Variants in CACNA2D1 observed in about 807,000 individuals in gnomAD.
CACNA2D1 encodes the protein calcium voltage-gated channel auxiliary subunit alpha2delta 1, also known as voltage-dependent calcium channel subunit alpha-2/delta-1.
A neutral mutation model predicts 171.5 loss-of-function variants in CACNA2D1; 53 were observed. The ratio of observed to expected loss-of-function variants is 0.31; its 90% confidence interval spans 0.25 to 0.39. The LOEUF is 0.39. CACNA2D1 is among the 10% of genes least tolerant of loss of function. The pLI is 1.00. For missense variants in CACNA2D1, 903 were observed against 1,299.8 expected (o/e 0.69, Z 4.69); for synonymous variants, 442 against 443.1 (o/e 1.00, Z 0.03).
At chr7:82,053,454 T>C (rs919580421) in intron 10 of CACNA2D1, among the ~76,000 whole-genome samples, 1 of 152,074 alleles carries the variant, frequency 6.6e-6, no homozygotes, top group African/African-American at 2.4e-5. Context: ...AATGATTATT[T>C]TGAAATAATA....
At chr7:82,128,711 A>G (rs1790622657) in intron 5 of CACNA2D1, among the ~76,000 whole-genome samples, 1 of 152,084 alleles carries the variant, frequency 6.6e-6, no homozygotes, top group Admixed American at 6.5e-5. Flanking sequence ...GAAATTCCAA[A>G]TTTTGTCCTG....
chr7:82,005,328 T>A (rs1799011515), intron 18 of CACNA2D1, 95 bp downstream of exon 18: 1 of 778,294 alleles, frequency 1.3e-6, no homozygotes. Context: ...TGATATTTAG[T>A]GTTATACGGT....
intron 3 of CACNA2D1, among the ~76,000 whole-genome samples, chr7:82,277,677 A>C (rs888501744): frequency 1.1e-4 from 16 of 152,154 alleles, no homozygotes; most frequent in African/African-American, 3.9e-4. Context: ...ACATACACAA[A>C]AATATGTTGA....
chr7:82,151,589 G>T (rs1198657989), intron 4 of CACNA2D1, among the ~76,000 whole-genome samples: 1 of 152,064 alleles, frequency 6.6e-6, no homozygotes, highest in African/African-American at 2.4e-5. Context: ...GTAAAAAGAA[G>T]ATAAACTGAA....
intron 4 of CACNA2D1, among the ~76,000 whole-genome samples, chr7:82,150,774 C>T (rs1351014307): frequency 6.6e-6 from 1 of 151,984 alleles, no homozygotes; most frequent in Non-Finnish European, 1.5e-5. Flanking sequence ...TTTTATAGGG[C>T]ATAGATTACA....
intron 2 of CACNA2D1, among the ~76,000 whole-genome samples, chr7:82,346,557 A>C (rs975768247): frequency 6.6e-6 from 1 of 152,154 alleles, no homozygotes. Flanking sequence ...ATCAGTGAAA[A>C]CTTACTTTCT....
chr7:81,982,621 T>C lies in CACNA2D1; in HGVS notation c.1901A>G (p.Glu634Gly), dbSNP rs1447681277. ...RSKKGKMKDSETLKPDNFEES... is the reference protein window; with the variant it reads ...RSKKGKMKDSGTLKPDNFEES... ...TTCAAAATTATCTGGCTTCAGGGTT[T>C]CCGAATCTGCAAAGATAATGTTACA... Residue 634 changes from glutamate to glycine, a missense_variant, in exon 24 of 39, where the codon GAA (glutamate) becomes GGA (glycine). Around this residue, in one of 5 missense-constraint regions of CACNA2D1, gnomAD observed 623 missense variants for 925.5 expected, o/e 0.67. Coordinates refer to ENST00000356860, the MANE Select transcript of CACNA2D1 (RefSeq NM_000722.4). 2 of 1,592,688 alleles carry C rather than the reference T, an allele frequency of 1.3e-6. No individual in the cohort carries two copies. Among genetic ancestry groups the C allele is most frequent in the African/African-American group, 1.3e-5 (1 of 74,424 alleles).
intron 26 of CACNA2D1, chr7:81,970,964 G>C: frequency 1.9e-6 from 1 of 516,102 alleles, no homozygotes; most frequent in Non-Finnish European, 3.5e-6. Flanking sequence ...TGAACATGGA[G>C]TATGAATTGA....
intron 6 of CACNA2D1, 121 bp downstream of exon 6, chr7:82,116,923 G>T: frequency 9.3e-7 from 1 of 1,074,268 alleles, no homozygotes; most frequent in Non-Finnish European, 1.4e-6. Flanking sequence ...GTTTACCACA[G>T]ACTCTTATAT....
intron 1 of CACNA2D1, among the ~76,000 whole-genome samples, chr7:82,379,012 C>T (rs1038623315): frequency 1.3e-5 from 2 of 149,252 alleles, no homozygotes; most frequent in African/African-American, 4.9e-5. Flanking sequence ...TGCATCTAAG[C>T]CAGTTCTCCT....
intron 3 of CACNA2D1, among the ~76,000 whole-genome samples, chr7:82,322,188 G>C (rs1425532778): frequency 6.9e-6 from 1 of 144,754 alleles, no homozygotes; most frequent in East Asian, 2.1e-4. Context: ...TTTTACAATT[G>C]TGGAAGCTTA....
intron 4 of CACNA2D1, among the ~76,000 whole-genome samples, chr7:82,170,246 T>G (rs1795874309): frequency 6.6e-6 from 1 of 151,900 alleles, no homozygotes; most frequent in African/African-American, 2.4e-5. Context: ...TATTAAAATT[T>G]AATGCTATTT....
At chr7:82,366,279 A>G (rs1821696675) in intron 1 of CACNA2D1, among the ~76,000 whole-genome samples, 1 of 152,132 alleles carries the variant, frequency 6.6e-6, no homozygotes, top group South Asian at 2.1e-4. Flanking sequence ...ATATGCGTAT[A>G]TTGTGTAATG....
intron 3 of CACNA2D1, among the ~76,000 whole-genome samples, chr7:82,261,868 C>A (rs1003721033): frequency 6.6e-6 from 1 of 152,168 alleles, no homozygotes; most frequent in African/African-American, 2.4e-5. Context: ...TGGGAGCTGA[C>A]AAGCCTGTCC....
chr7:82,069,035 T>C (rs1482093780), intron 7 of CACNA2D1, among the ~76,000 whole-genome samples: 1 of 152,186 alleles, frequency 6.6e-6, no homozygotes. Context: ...AGATATTTAC[T>C]CTTAGGTAGT....
intron 1 of CACNA2D1, among the ~76,000 whole-genome samples, chr7:82,388,854 G>A (rs1014634668): frequency 7.2e-5 from 11 of 151,958 alleles, no homozygotes; most frequent in African/African-American, 1.7e-4. Context: ...GGTGGCTCAC[G>A]CCTGTAATCC....
At chr7:82,151,918 C>T (rs754764775) in intron 4 of CACNA2D1, among the ~76,000 whole-genome samples, 12 of 152,024 alleles carry the variant, frequency 7.9e-5, no homozygotes, top group Non-Finnish European at 1.6e-4. Context: ...ACACAATTCC[C>T]TCTCTACAAA....
At chr7:82,417,867 G>A (rs1361518165) in intron 1 of CACNA2D1, among the ~76,000 whole-genome samples, 2 of 152,146 alleles carry the variant, frequency 1.3e-5, no homozygotes, top group African/African-American at 4.8e-5. Context: ...TAGTGAGAAT[G>A]TAACATATTT....
intron 3 of CACNA2D1, among the ~76,000 whole-genome samples, chr7:82,236,789 T>C (rs955780424): frequency 2.0e-5 from 3 of 151,980 alleles, no homozygotes; most frequent in East Asian, 1.9e-4. Flanking sequence ...TATTTCACCA[T>C]GTTCTTAATA....
Sources: gnomAD v4.1 joint callset for allele counts (sites outside exome capture counted in the v4.1 genomes callset) on GRCh38, gnomAD v4.1.1 for gene constraint, gnomAD v4.1.1 regional missense constraint, MANE v1.5 for transcripts, NCBI Gene and HGNC (gene_info 2026-07-23, HGNC 2026-07-21) for gene names.